The following MYCT1 variants were observed in gnomAD, a reference collection of about 807,000 sequenced individuals.
MYCT1 encodes myc target protein 1.
Under a neutral mutation model 15.0 loss-of-function variants are expected in MYCT1, and 12 were observed. The observed-to-expected ratio is 0.80, with a 90% CI of 0.51 to 1.29. The LOEUF (loss-of-function observed/expected upper bound fraction) is 1.29. Among genes scored for constraint, MYCT1 ranks in the 50% most tolerant of loss-of-function variants. MYCT1 has a pLI of 0.00. For synonymous variants in MYCT1, 104 were observed against 102.7 expected, an observed-to-expected ratio of 1.01 and a Z score of -0.07; for missense variants, 287 against 279.1, an observed-to-expected ratio of 1.03 and a Z score of -0.20.
rs149103568 is a variant in MYCT1 at position 152,700,193 on chromosome 6, G to A, written c.196+2095G>A. Among the ~76,000 whole-genome samples the A allele has an allele frequency of 4.7e-4, 72 of 152,128 alleles. No individual in the cohort carries two copies. The East Asian group carries it at 0.013, about 27-fold the overall frequency. On this transcript the variant is annotated intron_variant, in intron 1 of 1. Coordinates refer to ENST00000367245, the MANE Select transcript of MYCT1 (RefSeq NM_025107.3). ...TCTTTTAAATTTCCATTGCTTTTGT[G>A]TATCTAAATTGATGTCTATTTTGAC...
chr6:152,698,052 T>C lies in MYCT1; in HGVS notation c.150T>C (p.Ala50=). ...LFLLFLVDIM[A]NNTTSLGSPW... ...TTCTATTTCTTGTGGATATTATGGC[T>C]AATAACACAACAAGTTTAGGGAGTC... Residue 50 remains alanine, a synonymous_variant, in exon 1 of 2, where the codon GCT becomes GCC. Transcript: ENST00000367245. 1 of 1,605,484 alleles carries C rather than the reference T, an allele frequency of 6.2e-7. No homozygotes were observed. Among genetic ancestry groups the C allele is most frequent in the Non-Finnish European group, 8.5e-7 (1 of 1,177,374 alleles).
downstream of MYCT1, among the ~76,000 whole-genome samples, chr6:152,728,769 C>G (rs1236836637): frequency 6.6e-6 from 1 of 152,042 alleles, no homozygotes; most frequent in African/African-American, 2.4e-5. Context: ...GTAATCCCAG[C>G]TACTCGGGAG....
intron 1 of MYCT1, among the ~76,000 whole-genome samples, chr6:152,721,054 A>C (rs1351661918): frequency 6.6e-6 from 1 of 152,314 alleles, no homozygotes; most frequent in African/African-American, 2.4e-5. Context: ...CAGGAATTTC[A>C]TCATCACAAG....
chr6:152,746,440 CAT>C, the MYCT1 span, among the ~76,000 whole-genome samples: 632 of 152,294 alleles, frequency 4.1e-3, 3 homozygotes, highest in African/African-American at 0.015. Flanking sequence ...AAGATTTCAT[CAT>C]GCTATTTGGA....
downstream of MYCT1, among the ~76,000 whole-genome samples, chr6:152,728,103 G>T (rs1229214331): frequency 6.6e-6 from 1 of 151,604 alleles, no homozygotes; most frequent in African/African-American, 2.4e-5. Flanking sequence ...GGCAGAGGTT[G>T]CAATGAGCCG....
rs2099725194 is a variant in MYCT1 at position 152,724,159 on chromosome 6, T to C, written c.*1906T>C. The C allele has an allele frequency of 6.6e-6, 1 of 150,746 alleles. No individual in the cohort carries two copies. The highest frequency in any genetic ancestry group is 2.4e-5 in the African/African-American group (1 of 41,116). 9.3% of individuals were successfully genotyped at this position (150,746 alleles called of 1,614,324 possible). On this transcript the variant is annotated 3_prime_UTR_variant, in exon 2 of 2. Transcript: ENST00000367245. ...AGCTAACCGGATAACCAATTTGTTATAAGTTGGTTTTCAACAAAGAAATTT... is the reference window on the plus strand; with the variant it reads ...AGCTAACCGGATAACCAATTTGTTACAAGTTGGTTTTCAACAAAGAAATTT...
chr6:152,720,543 T>C (rs1467097377), intron 1 of MYCT1, among the ~76,000 whole-genome samples: 1 of 152,224 alleles, frequency 6.6e-6, no homozygotes. Context: ...TACTTAGCAG[T>C]AACTTATTTT....
At chr6:152,730,222 T>C in the MYCT1 span, among the ~76,000 whole-genome samples, 1 of 152,238 alleles carries the variant, frequency 6.6e-6, no homozygotes, top group Non-Finnish European at 1.5e-5. Context: ...TCTAACTGTA[T>C]GCTAGCATCT....
rs2099720701 is a variant in MYCT1, at chr6:152,698,018, T to A, written c.116T>A (p.Leu39His). 2 of 1,611,140 alleles carry A rather than the reference T, an allele frequency of 1.2e-6. No individual in the cohort carries two copies. Among genetic ancestry groups the A allele is most frequent in the Non-Finnish European group, 8.5e-7 (1 of 1,178,716 alleles). ...ATACTGGTTTTTCTTTCTGTTTTTC[T>A]TCTCTTTCTTCTATTTCTTGTGGAT... ...FDILVFLSVFLLFLLFLVDIM... is the reference protein window; with the variant it reads ...FDILVFLSVFHLFLLFLVDIM... The change falls in exon 1 of 2, where the codon CTT (leucine) becomes CAT (histidine). Residue 39 changes from leucine to histidine, a missense_variant. Transcript: ENST00000367245.
chr6:152,735,430 ATTAAC>A, the MYCT1 span, among the ~76,000 whole-genome samples: 1 of 150,512 alleles, frequency 6.6e-6, no homozygotes, highest in Admixed American at 6.6e-5. Context: ...ACTTTTTATT[ATTAAC>A]TTAAGTAGTC....
At chr6:152,708,334 C>A (rs1346929573) in intron 1 of MYCT1, among the ~76,000 whole-genome samples, 1 of 151,818 alleles carries the variant, frequency 6.6e-6, no homozygotes, top group Non-Finnish European at 1.5e-5. Context: ...TGCAGTCTTG[C>A]TTAATATAAT....
At chr6:152,702,958 A>G (rs754544473) in intron 1 of MYCT1, among the ~76,000 whole-genome samples, 2 of 152,216 alleles carry the variant, frequency 1.3e-5, no homozygotes, top group South Asian at 2.1e-4. Flanking sequence ...GATGGAACCC[A>G]TAAGACTGGA....
chr6:152,706,685 A>C (rs1456763291), intron 1 of MYCT1, among the ~76,000 whole-genome samples: 1 of 152,156 alleles, frequency 6.6e-6, no homozygotes, highest in Non-Finnish European at 1.5e-5. Flanking sequence ...GTGCATATTT[A>C]AGGTAGGCTA....
the MYCT1 span, among the ~76,000 whole-genome samples, chr6:152,739,345 T>A: frequency 2.0e-5 from 3 of 148,638 alleles, no homozygotes; most frequent in Non-Finnish European, 3.0e-5. Context: ...TATTTTTGTA[T>A]TTTTTTTTGC....
At position 152,706,245 on chromosome 6, in the gene MYCT1, T is replaced by C. The variant is rs1234909306; in HGVS notation, c.196+8147T>C. ...AGAAAATGAAGGAAAGGCTGGCTGATGTTTAAGAAATCACTGTAACCATCA... is the reference window on the plus strand; with the variant it reads ...AGAAAATGAAGGAAAGGCTGGCTGACGTTTAAGAAATCACTGTAACCATCA... On this transcript the variant is annotated intron_variant, in intron 1 of 1. Coordinates refer to ENST00000367245, the MANE Select transcript of MYCT1 (RefSeq NM_025107.3). The C allele has an allele frequency of 2.7e-5, 19 of 711,890 alleles. No individual in the cohort carries two copies. The East Asian group carries it at 5.1e-4, about 19-fold the overall frequency. The allele number at this position is 711,890 out of a possible 1,614,324, so 44.1% of individuals were successfully genotyped here.
chr6:152,725,251 T>C (rs1299803302), downstream of MYCT1, among the ~76,000 whole-genome samples: 1 of 152,152 alleles, frequency 6.6e-6, no homozygotes, highest in African/African-American at 2.4e-5. Flanking sequence ...CTTGAAGTCA[T>C]GATTAGCACA....
rs2099724748 is a variant in MYCT1 at position 152,721,801 on chromosome 6, A to C, written c.256A>C (p.Ile86Leu). The change falls in exon 2 of 2, where the codon ATT becomes CTT. Residue 86 changes from isoleucine to leucine, a missense_variant. By Grantham distance (5) the Ile-to-Leu change is conservative. Transcript: ENST00000367245. ...AATCGGGCTGGTACTTGGAGGATTT[A>C]TTTGGGCTGTGTTCATTTGTCTGTC... ...MAIGLVLGGF[I>L]WAVFICLSRR... The C allele has an allele frequency of 1.4e-5, 22 of 1,613,998 alleles. No homozygotes were observed. Among genetic ancestry groups the C allele is most frequent in the Non-Finnish European group, 1.9e-5 (22 of 1,179,998 alleles).
chr6:152,717,606 T>C (rs954859563), intron 1 of MYCT1, among the ~76,000 whole-genome samples: 4 of 152,100 alleles, frequency 2.6e-5, no homozygotes, highest in African/African-American at 9.7e-5. Context: ...CTGCCATCCA[T>C]GCAAGATGTG....
chr6:152,745,843 A>G, the MYCT1 span, among the ~76,000 whole-genome samples: 1 of 152,180 alleles, frequency 6.6e-6, no homozygotes, highest in African/African-American at 2.4e-5. Flanking sequence ...GTGTGCAACT[A>G]TCATCCAGGT....
Sources: gnomAD v4.1 joint callset for allele counts (sites outside exome capture counted in the v4.1 genomes callset) on GRCh38, gnomAD v4.1.1 for gene constraint, MANE v1.5 for transcripts, NCBI Gene and HGNC (gene_info 2026-07-23, HGNC 2026-07-21) for gene names.